The following MDGA2 variants were observed in gnomAD, a reference collection of about 807,000 sequenced individuals.
MDGA2 encodes the protein MAM domain containing glycosylphosphatidylinositol anchor 2.
Under a neutral mutation model 117.8 loss-of-function variants are expected in MDGA2, and 40 were observed. The observed-to-expected ratio is 0.34, with a 90% CI of 0.26 to 0.44. The LOEUF is 0.44. MDGA2 is among the 20% of genes least tolerant of loss of function. The pLI, the probability that MDGA2 is intolerant of heterozygous loss-of-function variation, is 1.00. For missense variants in MDGA2, 1,123 were observed against 1,250.6 expected (o/e 0.90, Z 1.54); for synonymous variants, 452 against 439.0 (o/e 1.03, Z -0.37).
At chr14:47,559,297 T>C (rs1440460473) in intron 1 of MDGA2, among the ~76,000 whole-genome samples, 1 of 152,206 alleles carries the variant, frequency 6.6e-6, no homozygotes, top group African/African-American at 2.4e-5. Flanking sequence ...TGTGTCCATA[T>C]ATACTTGATG....
At chr14:47,598,240 A>G (rs969611648) in intron 1 of MDGA2, among the ~76,000 whole-genome samples, 80 of 152,214 alleles carry the variant, frequency 5.3e-4, no homozygotes, top group African/African-American at 1.9e-3. Context: ...ATAAAATATT[A>G]CAGCTGCTGT....
In MDGA2 at chr14:47,079,727, A is replaced by ATTTTTTTTTTTTTTTTTT. The variant is rs35801678; in HGVS notation, c.1195+17109_1195+17126dup. On this transcript the variant is annotated intron_variant, in intron 6 of 16. Transcript: ENST00000399232. ...ATTTGTTTCAGCCGATTTTCTACTA[A>ATTTTTTTTTTTTTTTTTT]TTTTTTTTTTTTTTTTTTTTTTGAG... Among the ~76,000 whole-genome samples, 18 of 80,072 alleles carry ATTTTTTTTTTTTTTTTTT rather than the reference A, an allele frequency of 2.2e-4. 2 individuals are homozygous for ATTTTTTTTTTTTTTTTTT. The highest frequency in any genetic ancestry group is 5.2e-4 in the East Asian group (1 of 1,916). The allele number at this position is 80,072 out of a possible 152,430, so 52.5% of individuals were successfully genotyped here. A position where few individuals can be genotyped will look rare whatever the true frequency, so the allele number is the denominator to read the frequency against.
intron 3 of MDGA2, among the ~76,000 whole-genome samples, chr14:47,200,234 A>G (rs1249844552): frequency 2.0e-5 from 3 of 152,074 alleles, no homozygotes; most frequent in Non-Finnish European, 4.4e-5. Flanking sequence ...GCACAAAAAA[A>G]TCACCAATTA....
rs1594918273 is a variant in MDGA2 at position 47,561,171 on chromosome 14, G to GTTTTTTTTT, written c.280+113345_280+113346insAAAAAAAAA. ...TTTTTTTGTTTTGTTTTGTTTTTTT[G>GTTTTTTTTT]TTTGTTTGTTTTTTTTTGCTTAGGA... On this transcript the variant is annotated intron_variant, in intron 1 of 16. Coordinates refer to ENST00000399232, the MANE Select transcript of MDGA2 (RefSeq NM_001113498.3). 1.9e-4 allele frequency among the ~76,000 whole-genome samples: 13 copies of GTTTTTTTTT among 68,476 alleles called. 1 individual carries two copies. Among genetic ancestry groups the GTTTTTTTTT allele is most frequent in the Non-Finnish European group, 3.4e-4 (12 of 35,610 alleles). 44.9% of individuals were successfully genotyped at this position (68,476 alleles called of 152,430 possible).
chr14:47,033,672 T>C (rs960362281), intron 8 of MDGA2, among the ~76,000 whole-genome samples: 1 of 152,166 alleles, frequency 6.6e-6, no homozygotes, highest in Admixed American at 6.5e-5. Flanking sequence ...ACCTGCCTTA[T>C]TTGGAGAAAA....
At chr14:47,186,387 G>A (rs1305213574) in intron 3 of MDGA2, among the ~76,000 whole-genome samples, 5 of 151,508 alleles carry the variant, frequency 3.3e-5, no homozygotes, top group Admixed American at 2.0e-4. Flanking sequence ...AAGAGTAGAA[G>A]GGCTTGCCCT....
chr14:47,630,399 T>C (rs965396625), intron 1 of MDGA2, among the ~76,000 whole-genome samples: 2 of 152,190 alleles, frequency 1.3e-5, no homozygotes, highest in African/African-American at 4.8e-5. Flanking sequence ...TGTGTGTGTT[T>C]GCATCATACA....
chr14:47,017,754 T>G (rs1333751200), intron 8 of MDGA2, among the ~76,000 whole-genome samples: 1 of 152,100 alleles, frequency 6.6e-6, no homozygotes, highest in Non-Finnish European at 1.5e-5. Context: ...TTCTCAAATT[T>G]CAGAGATCCC....
rs568970497 is a variant in MDGA2 at position 47,314,877 on chromosome 14, C to T, written c.281-13327G>A. On this transcript the variant is annotated intron_variant, in intron 1 of 16. Coordinates refer to ENST00000399232, the MANE Select transcript of MDGA2 (RefSeq NM_001113498.3). Reference sequence around the variant, plus strand: ...AAAATGGTATAGTTTATTGACATGACGAGAAATCCATAATATATTGCTAAG... The same window carrying T: ...AAAATGGTATAGTTTATTGACATGATGAGAAATCCATAATATATTGCTAAG... Among the ~76,000 whole-genome samples the T allele has an allele frequency of 2.7e-4, 41 of 152,034 alleles. No homozygotes were observed. The South Asian group carries it at 6.4e-3, about 24-fold the overall frequency.
intron 5 of MDGA2, among the ~76,000 whole-genome samples, chr14:47,107,910 C>A (rs1295878579): frequency 6.6e-6 from 1 of 151,548 alleles, no homozygotes; most frequent in African/African-American, 2.4e-5. Context: ...AGAAGGCCAC[C>A]GCAGTCATCT....
At chr14:47,212,069 A>T (rs1289046451) in intron 3 of MDGA2, among the ~76,000 whole-genome samples, 1 of 152,202 alleles carries the variant, frequency 6.6e-6, no homozygotes, top group African/African-American at 2.4e-5. Flanking sequence ...GTTATTTTTT[A>T]AAATATTTTA....
intron 7 of MDGA2, 35 bp from the exon 8 acceptor site, chr14:47,035,339 G>A: frequency 1.3e-6 from 2 of 1,525,796 alleles, no homozygotes; most frequent in Non-Finnish European, 1.8e-6. Flanking sequence ...TTCAAGGTTA[G>A]TATAAACTGG....
chr14:47,086,355 T>A (rs1433228426), intron 6 of MDGA2, among the ~76,000 whole-genome samples: 1 of 152,096 alleles, frequency 6.6e-6, no homozygotes, highest in Non-Finnish European at 1.5e-5. Context: ...TGATTACATC[T>A]ATTTAGAAAT....
intron 4 of MDGA2, among the ~76,000 whole-genome samples, chr14:47,135,802 G>A (rs1354618255): frequency 1.3e-5 from 2 of 151,816 alleles, no homozygotes; most frequent in African/African-American, 4.8e-5. Flanking sequence ...ACTATCTTGA[G>A]GTATCTCTTT....
chr14:46,914,861 G>A (rs149703667), intron 10 of MDGA2, among the ~76,000 whole-genome samples: 4 of 152,138 alleles, frequency 2.6e-5, no homozygotes, highest in African/African-American at 7.2e-5. Context: ...TCATGTACAT[G>A]TATAGGCTAA....
Position 46,855,911 on chromosome 14 carries a change from T to C in MDGA2, c.2753-757A>G, listed in dbSNP as rs1224139234. Among the ~76,000 whole-genome samples the C allele has an allele frequency of 2.0e-5, 3 of 152,144 alleles. No homozygotes were observed. The highest frequency in any genetic ancestry group is 2.9e-5 in the Non-Finnish European group (2 of 68,004). On this transcript the variant is annotated intron_variant, in intron 14 of 16. Coordinates refer to ENST00000399232, the MANE Select transcript of MDGA2 (RefSeq NM_001113498.3). The surrounding 1 kb of genome is among the most constrained non-coding windows in gnomAD (Gnocchi z 4.1). ...TCTCATTTTTCTTCTAAAAGAGTTA[T>C]TGGAAAATAAAATGAAGATAGCTTT...
chr14:47,382,353 T>C (rs35497858), intron 1 of MDGA2, among the ~76,000 whole-genome samples: 70,049 of 151,900 alleles, frequency 0.46, 16,664 homozygotes, highest in East Asian at 0.61. Context: ...AATTGACAAA[T>C]GGGATCTAAT....
intron 1 of MDGA2, among the ~76,000 whole-genome samples, chr14:47,351,060 T>A (rs1890867053): frequency 6.8e-6 from 1 of 147,114 alleles, no homozygotes; most frequent in African/African-American, 2.5e-5. Context: ...TACAGGTCAG[T>A]GCCACCAGGC....
At chr14:47,167,878 C>T (rs953632069) in intron 3 of MDGA2, among the ~76,000 whole-genome samples, 15 of 152,106 alleles carry the variant, frequency 9.9e-5, no homozygotes, top group Non-Finnish European at 1.6e-4. Flanking sequence ...GTGACTGCTG[C>T]CTGTGTAATG....
Sources: gnomAD v4.1 joint callset for allele counts (sites outside exome capture counted in the v4.1 genomes callset) on GRCh38, gnomAD v4.1.1 for gene constraint, Gnocchi (gnomAD v3.1) non-coding constraint, MANE v1.5 for transcripts, NCBI Gene and HGNC (gene_info 2026-07-23, HGNC 2026-07-21) for gene names.